Variants in RARS1 observed in about 807,000 individuals in gnomAD.
RARS1 encodes arginine--tRNA ligase, cytoplasmic.
RARS1 carries 75 observed loss-of-function variants against 78.7 expected under a neutral mutation model. The ratio of observed to expected loss-of-function variants is 0.95; its 90% confidence interval spans 0.79 to 1.15. The LOEUF (loss-of-function observed/expected upper bound fraction) is 1.15. Among genes scored for constraint, RARS1 ranks in the 50% most tolerant of loss-of-function variants. RARS1 has a pLI of 0.00. For missense variants in RARS1, 787 were observed against 787.5 expected (o/e 1.00, Z 0.01); for synonymous variants, 273 against 268.2 (o/e 1.02, Z -0.18).
intron 9 of RARS1, among the ~76,000 whole-genome samples, chr5:168,502,384 A>ATATATATATTTTTT (rs1280220276): frequency 7.9e-6 from 1 of 127,246 alleles, no homozygotes; most frequent in African/African-American, 3.2e-5. Context: ...ATATATATAT[A>ATATATATATTTTTT]TTTTTTTTTT....
chr5:168,506,143 C>G lies in RARS1; in HGVS notation c.1180C>G (p.Gln394Glu), dbSNP rs747651030. 6.3e-7 allele frequency: 1 copy of G among 1,593,298 alleles called. No homozygotes were observed. Among genetic ancestry groups the G allele is most frequent in the Non-Finnish European group, 8.5e-7 (1 of 1,170,766 alleles). ...TACATCTGACCTGGCTGCTATTAAA[C>G]AAAGACTATTTGAGGAAAAAGCAGA... The part of the protein sequence containing the change: ...YDTSDLAAIK[Q>E]RLFEEKADMI... Residue 394 changes from glutamine to glutamate, a missense_variant, in exon 10 of 15, where the codon CAA (glutamine) becomes GAA (glutamate). Gln to Glu is a conservative substitution (Grantham distance 29, BLOSUM62 2). Coordinates refer to ENST00000231572, the MANE Select transcript of RARS1 (RefSeq NM_002887.4).
chr5:168,518,195 C>A, intron 14 of RARS1, 133 bp downstream of exon 14: 1 of 1,108,522 alleles, frequency 9.0e-7, no homozygotes, highest in Non-Finnish European at 1.2e-6. Context: ...GTGATTCTCC[C>A]ACTTGAGCCT....
chr5:168,493,749 G>GTCAT (rs1582428524), intron 3 of RARS1, 145 bp from the exon 4 acceptor site: 4 of 614,596 alleles, frequency 6.5e-6, no homozygotes, highest in Non-Finnish European at 1.1e-5. Context: ...ACTTTAATCT[G>GTCAT]TCATTCATAA....
At chr5:168,509,292 G>T (rs1758515169) in intron 11 of RARS1, among the ~76,000 whole-genome samples, 1 of 152,122 alleles carries the variant, frequency 6.6e-6, no homozygotes, top group Non-Finnish European at 1.5e-5. Flanking sequence ...TTTTAATTCT[G>T]TATAAGCAGA....
At chr5:168,488,335 CCA>C in intron 1 of RARS1, 1 of 382,318 alleles carries the variant, frequency 2.6e-6, no homozygotes, top group Non-Finnish European at 4.9e-6. Flanking sequence ...GCTATGTTTG[CCA>C]TGCTGGTCTT....
At chr5:168,498,242 T>C (rs1399038617) in intron 7 of RARS1, among the ~76,000 whole-genome samples, 2 of 151,824 alleles carry the variant, frequency 1.3e-5, no homozygotes, top group Non-Finnish European at 2.9e-5. Context: ...AAAGATAAAA[T>C]TATATTAAAA....
At chr5:168,492,957 A>G (rs1056266300) in intron 3 of RARS1, 110 bp downstream of exon 3, 8 of 1,069,602 alleles carry the variant, frequency 7.5e-6, no homozygotes, top group Non-Finnish European at 9.1e-6. Flanking sequence ...TGAAAAGGAC[A>G]TTTGCCACAG....
intron 11 of RARS1, 125 bp downstream of exon 11, chr5:168,506,956 G>A (rs1398820074): frequency 2.2e-5 from 16 of 736,416 alleles, no homozygotes; most frequent in Middle Eastern, 5.4e-4. Flanking sequence ...CTATAATGGT[G>A]TAAACCCAGC....
intron 2 of RARS1, among the ~76,000 whole-genome samples, chr5:168,490,968 C>G (rs1444965440): frequency 6.6e-6 from 1 of 151,954 alleles, no homozygotes; most frequent in Non-Finnish European, 1.5e-5. Flanking sequence ...AAAACCCTGT[C>G]TCTACTAAAA....
At position 168,518,071 on chromosome 5, in the gene RARS1, CT is replaced by C. The variant is rs747777615; in HGVS notation, c.1873+33del. 0.21 allele frequency: 156,063 copies of C among 728,526 alleles called. 731 individuals carry two copies. Among genetic ancestry groups the C allele is most frequent in the Non-Finnish European group, 0.22 (135,959 of 606,502 alleles). 45.1% of individuals were successfully genotyped at this position (728,526 alleles called of 1,614,324 possible). On this transcript the variant is annotated intron_variant, in intron 14 of 14. Transcript: ENST00000231572. Reference sequence around the variant, plus strand: ...GAAAGATAGACAGACTGGTGAGTGTCTTTTTTTTTTTTTTTTTTTTTTTTAG... The same window carrying C: ...GAAAGATAGACAGACTGGTGAGTGTCTTTTTTTTTTTTTTTTTTTTTTTAG...
At chr5:168,499,536 A>G (rs1758273813) in intron 7 of RARS1, among the ~76,000 whole-genome samples, 1 of 152,154 alleles carries the variant, frequency 6.6e-6, no homozygotes, top group Non-Finnish European at 1.5e-5. Flanking sequence ...GCTTCATTTT[A>G]CTTTTGGTAA....
rs747777615 is a variant in RARS1, at chr5:168,518,071, C to CTTTTTTTTTT, written c.1873+24_1873+33dup. 2.2e-3 allele frequency: 1,644 copies of CTTTTTTTTTT among 748,064 alleles called. 246 individuals carry two copies. Among genetic ancestry groups the CTTTTTTTTTT allele is most frequent in the African/African-American group, 0.013 (271 of 21,428 alleles). 46.3% of individuals were successfully genotyped at this position (748,064 alleles called of 1,614,324 possible). On this transcript the variant is annotated intron_variant, in intron 14 of 14. Coordinates refer to ENST00000231572, the MANE Select transcript of RARS1 (RefSeq NM_002887.4). Reference sequence around the variant, plus strand: ...GAAAGATAGACAGACTGGTGAGTGTCTTTTTTTTTTTTTTTTTTTTTTTTA... The same window carrying CTTTTTTTTTT: ...GAAAGATAGACAGACTGGTGAGTGTCTTTTTTTTTTTTTTTTTTTTTTTTTTTTTTTTTTA...
At chr5:168,516,242 T>C (rs1431818233) in intron 12 of RARS1, among the ~76,000 whole-genome samples, 2 of 152,198 alleles carry the variant, frequency 1.3e-5, no homozygotes, top group Non-Finnish European at 2.9e-5. Flanking sequence ...TGCTGCAAGG[T>C]ATTCTGTCAT....
At chr5:168,515,268 C>T (rs1475528438) in intron 12 of RARS1, among the ~76,000 whole-genome samples, 1 of 152,000 alleles carries the variant, frequency 6.6e-6, no homozygotes, top group East Asian at 1.9e-4. Context: ...CTCTCCTAGC[C>T]CTTTCTTTGT....
chr5:168,488,284 T>C (rs1582425041), intron 1 of RARS1: 1 of 334,154 alleles, frequency 3.0e-6, no homozygotes, highest in Non-Finnish European at 5.8e-6. Context: ...TGCGCCACCA[T>C]GCCTAGCTAA....
At chr5:168,517,484 C>T (rs1017385844) in intron 13 of RARS1, among the ~76,000 whole-genome samples, 4 of 152,178 alleles carry the variant, frequency 2.6e-5, no homozygotes, top group African/African-American at 9.6e-5. Context: ...CTACAAGCAT[C>T]TTTGGAAATA....
At chr5:168,502,384 A>ATTTTT (rs759302320) in intron 9 of RARS1, among the ~76,000 whole-genome samples, 98 of 127,210 alleles carry the variant, frequency 7.7e-4, no homozygotes, top group African/African-American at 1.6e-3. Flanking sequence ...ATATATATAT[A>ATTTTT]TTTTTTTTTT....
At position 168,518,097 on chromosome 5, in the gene RARS1, G is replaced by GTTTTTTTTT. The variant is rs1561829748; in HGVS notation, c.1873+36_1873+37insTTTTTTTTT. ...TTTTTTTTTTTTTTTTTTTTTTTTA[G>GTTTTTTTTT]TGAGAGACACGGATCTTGCTCTGTC... On this transcript the variant is annotated intron_variant, in intron 14 of 14. Transcript: ENST00000231572. 82 of 920,030 alleles carry GTTTTTTTTT rather than the reference G, an allele frequency of 8.9e-5. 1 individual carries two copies. In the African/African-American group the frequency reaches 3.9e-3, roughly 44 times the overall value. The allele number at this position is 920,030 out of a possible 1,614,324, so 57.0% of individuals were successfully genotyped here.
chr5:168,510,744 T>C (rs1021912255), intron 12 of RARS1, 58 bp downstream of exon 12: 5 of 1,341,346 alleles, frequency 3.7e-6, no homozygotes, highest in Middle Eastern at 1.8e-4. Flanking sequence ...TTCATTTTTG[T>C]TTTTATTGAG....
Sources: gnomAD v4.1 joint callset for allele counts (sites outside exome capture counted in the v4.1 genomes callset) on GRCh38, gnomAD v4.1.1 for gene constraint, MANE v1.5 for transcripts, NCBI Gene and HGNC (gene_info 2026-07-23, HGNC 2026-07-21) for gene names.